Variants in KCNJ6 observed in about 807,000 individuals in gnomAD.
KCNJ6 encodes the protein potassium inwardly rectifying channel subfamily J member 6.
In KCNJ6, 9 loss-of-function variants were observed where a neutral mutation model predicts 34.2. That is an observed-to-expected ratio of 0.26 (90% CI 0.16 to 0.46). The LOEUF is 0.46. Ranked by LOEUF, KCNJ6 falls within the 20% of genes least tolerant of loss-of-function variation. KCNJ6 has a pLI of 1.00. For missense variants in KCNJ6, 236 were observed against 531.3 expected (o/e 0.44, Z 5.46); for synonymous variants, 196 against 207.1 (o/e 0.95, Z 0.46).
intron 1 of KCNJ6, among the ~76,000 whole-genome samples, chr21:37,863,001 G>A (rs984260418): frequency 2.0e-5 from 3 of 152,238 alleles, no homozygotes; most frequent in African/African-American, 4.8e-5. Flanking sequence ...CAGCAGAGCC[G>A]TGCTCATGAA....
intron 3 of KCNJ6, among the ~76,000 whole-genome samples, chr21:37,694,070 GC>G (rs2054652950): frequency 6.6e-6 from 1 of 152,188 alleles, no homozygotes; most frequent in South Asian, 2.1e-4. Context: ...GTGCCTTCCT[GC>G]CAGAGGGGCG....
At chr21:37,900,378 C>T (rs2055810858) in intron 1 of KCNJ6, among the ~76,000 whole-genome samples, 2 of 152,168 alleles carry the variant, frequency 1.3e-5, no homozygotes, top group Admixed American at 6.5e-5. Context: ...GTCTATGTTT[C>T]GTTGACCATA....
chr21:37,818,211 CGTGT>C lies in KCNJ6; in HGVS notation c.25+22443_25+22446del, dbSNP rs10539396. ...AAAAGTGCGTGTGTGTGTGTGCGTGCGTGTGTGTGTGTGTGTGTGTGTGTGTGTG... is the reference window on the plus strand; with the variant it reads ...AAAAGTGCGTGTGTGTGTGTGCGTGCGTGTGTGTGTGTGTGTGTGTGTGTG... On this transcript the variant is annotated intron_variant, in intron 2 of 3. Transcript: ENST00000609713. 1.4e-3 allele frequency among the ~76,000 whole-genome samples: 209 copies of C among 148,326 alleles called. 1 individual carries two copies. The highest frequency in any genetic ancestry group is 2.1e-3 in the Non-Finnish European group (142 of 67,012).
intron 3 of KCNJ6, among the ~76,000 whole-genome samples, chr21:37,683,787 C>A (rs1057318197): frequency 6.6e-6 from 1 of 152,124 alleles, no homozygotes; most frequent in Non-Finnish European, 1.5e-5. Context: ...AGGCTTCTTT[C>A]TTGGTGCGTC....
At chr21:37,689,098 T>A (rs1437172154) in intron 3 of KCNJ6, among the ~76,000 whole-genome samples, 2 of 152,168 alleles carry the variant, frequency 1.3e-5, no homozygotes, top group Non-Finnish European at 2.9e-5. Flanking sequence ...GTATAATATA[T>A]CTCTATTCTC....
intron 2 of KCNJ6, among the ~76,000 whole-genome samples, chr21:37,715,729 G>A (rs1030458552): frequency 6.6e-6 from 1 of 152,166 alleles, no homozygotes; most frequent in Non-Finnish European, 1.5e-5. Flanking sequence ...CGAAGAGGGA[G>A]AGACACCAGG....
rs2054291135 is a variant in KCNJ6, at chr21:37,621,925, T to C, written c.*3234A>G. 6.6e-6 allele frequency: 1 copy of C among 152,192 alleles called. No homozygotes were observed. The highest frequency in any genetic ancestry group is 1.5e-5 in the Non-Finnish European group (1 of 68,036). The allele number at this position is 152,192 out of a possible 1,614,324, so 9.4% of individuals were successfully genotyped here. On this transcript the variant is annotated 3_prime_UTR_variant, in exon 4 of 4. Transcript: ENST00000609713. ...GCTAAAACAGAAATGATTTTATTGG[T>C]TCCATAAAGTTGATTTATAAATGAA...
intron 2 of KCNJ6, chr21:37,719,502 A>G (rs567825347): frequency 6.6e-6 from 1 of 152,210 alleles, no homozygotes; most frequent in Non-Finnish European, 1.5e-5. Flanking sequence ...AGGATAATGT[A>G]GAGGGGGTAC....
At chr21:37,642,267 C>G (rs957571189) in intron 3 of KCNJ6, among the ~76,000 whole-genome samples, 1 of 151,984 alleles carries the variant, frequency 6.6e-6, no homozygotes, top group Non-Finnish European at 1.5e-5. Context: ...GAGCAGGAGA[C>G]AAAGCCTGTG....
In KCNJ6 at chr21:37,612,347, G is replaced by A. The variant is rs528277431; in HGVS notation, c.*12812C>T. ...GAGGAAAACTACAAAACTGGTGAAT[G>A]ATATCAAAGAAGAACTAAGTAAATA... On this transcript the variant is annotated 3_prime_UTR_variant, in exon 4 of 4. Coordinates refer to ENST00000609713, the MANE Select transcript of KCNJ6 (RefSeq NM_002240.5). 13 of 152,318 alleles carry A rather than the reference G, an allele frequency of 8.5e-5. No homozygotes were observed. The highest frequency in any genetic ancestry group is 1.3e-4 in the Admixed American group (2 of 15,298). 9.4% of individuals were successfully genotyped at this position (152,318 alleles called of 1,614,324 possible). A position where few individuals can be genotyped will look rare whatever the true frequency, so the allele number is the denominator to read the frequency against.
chr21:37,703,639 T>G (rs950359520), intron 3 of KCNJ6, among the ~76,000 whole-genome samples: 3 of 152,150 alleles, frequency 2.0e-5, no homozygotes, highest in African/African-American at 7.2e-5. Context: ...TGAAGGCAAG[T>G]GCACAAAACA....
At chr21:37,915,750 G>A (rs1231644049) in intron 1 of KCNJ6, 134 bp downstream of exon 1, 1 of 152,250 alleles carries the variant, frequency 6.6e-6, no homozygotes, top group Non-Finnish European at 1.5e-5. Context: ...TGGGCACAAT[G>A]TTTCTCATGA....
rs114283661 is a variant in KCNJ6, at chr21:37,703,098, C to T, written c.946+11113G>A. ...AAACTACTAGAAAGGGACATGGCAC[C>T]AAAAGAAGTATAGTTTTGTTTTTCT... On this transcript the variant is annotated intron_variant, in intron 3 of 3. Coordinates refer to ENST00000609713, the MANE Select transcript of KCNJ6 (RefSeq NM_002240.5). Among the ~76,000 whole-genome samples, 1,002 of 152,140 alleles carry T rather than the reference C, an allele frequency of 6.6e-3. 11 individuals carry two copies. Among genetic ancestry groups the T allele is most frequent in the African/African-American group, 0.023 (948 of 41,500 alleles).
intron 2 of KCNJ6, among the ~76,000 whole-genome samples, chr21:37,724,509 G>A (rs1389746778): frequency 2.6e-5 from 4 of 152,172 alleles, no homozygotes; most frequent in Admixed American, 2.0e-4. Context: ...TGAAGAGATG[G>A]CAGTGGATTT....
chr21:37,815,328 T>G (rs7281945), intron 2 of KCNJ6, among the ~76,000 whole-genome samples: 1 of 152,234 alleles, frequency 6.6e-6, no homozygotes. Flanking sequence ...TCATTCTCTA[T>G]GATGTGATTA....
chr21:37,669,169 T>C (rs1378055002), intron 3 of KCNJ6, among the ~76,000 whole-genome samples: 4 of 152,172 alleles, frequency 2.6e-5, no homozygotes, highest in Admixed American at 6.5e-5. Context: ...CTTCAACCAA[T>C]TGCCAATCAG....
At chr21:37,821,977 T>C (rs1307737678) in intron 2 of KCNJ6, among the ~76,000 whole-genome samples, 2 of 152,214 alleles carry the variant, frequency 1.3e-5, no homozygotes, top group Non-Finnish European at 2.9e-5. Context: ...ACTGCATATC[T>C]GAGTCAATGT....
At chr21:37,805,725 A>C (rs1403920612) in intron 2 of KCNJ6, among the ~76,000 whole-genome samples, 1 of 152,198 alleles carries the variant, frequency 6.6e-6, no homozygotes, top group Non-Finnish European at 1.5e-5. Context: ...GAAGAGGTAA[A>C]TTTGGACACA....
chr21:37,846,100 G>A (rs1261992567), intron 1 of KCNJ6, among the ~76,000 whole-genome samples: 1 of 152,104 alleles, frequency 6.6e-6, no homozygotes, highest in Non-Finnish European at 1.5e-5. Context: ...AGGGGCAATG[G>A]GCATTTAATT....
Sources: gnomAD v4.1 joint callset for allele counts (sites outside exome capture counted in the v4.1 genomes callset) on GRCh38, gnomAD v4.1.1 for gene constraint, MANE v1.5 for transcripts, NCBI Gene and HGNC (gene_info 2026-07-23, HGNC 2026-07-21) for gene names.